Variants in SYN3 observed in about 807,000 individuals in gnomAD.
The protein encoded by SYN3 is synapsin-3.
In SYN3, 35 loss-of-function variants were observed where a neutral mutation model predicts 65.8. That is an observed-to-expected ratio of 0.53 (90% CI 0.41 to 0.70). The LOEUF (loss-of-function observed/expected upper bound fraction) is 0.70. Among genes scored for constraint, SYN3 ranks in the 30% least tolerant of loss-of-function variants. The pLI is 0.00. For missense variants in SYN3, 680 were observed against 749.0 expected (o/e 0.91, Z 1.08); for synonymous variants, 270 against 292.9 (o/e 0.92, Z 0.80).
intron 2 of SYN3, among the ~76,000 whole-genome samples, chr22:33,003,859 G>A (rs1027046288): frequency 2.0e-5 from 3 of 152,196 alleles, no homozygotes; most frequent in African/African-American, 7.2e-5. Context: ...AGGCCTAGGA[G>A]GGAAGAATGG....
chr22:32,524,090 G>A (rs1217318196), intron 12 of SYN3, among the ~76,000 whole-genome samples: 2 of 152,228 alleles, frequency 1.3e-5, no homozygotes, highest in Non-Finnish European at 2.9e-5. Context: ...GAGGTTGGTG[G>A]GTGAAGTCTC....
chr22:33,019,766 C>T (rs1189089714), intron 1 of SYN3, among the ~76,000 whole-genome samples: 9 of 152,142 alleles, frequency 5.9e-5, no homozygotes, highest in Admixed American at 1.3e-4. Context: ...ACTACAGGCA[C>T]GTGCCACCAC....
chr22:33,054,189 T>A (rs1234661335), intron 1 of SYN3, among the ~76,000 whole-genome samples: 1 of 152,194 alleles, frequency 6.6e-6, no homozygotes, highest in Non-Finnish European at 1.5e-5. Context: ...GGCTGACATC[T>A]AAGTGCTGAC....
intron 6 of SYN3, among the ~76,000 whole-genome samples, chr22:32,665,170 G>A (rs2060273794): frequency 6.6e-6 from 1 of 151,584 alleles, no homozygotes; most frequent in African/African-American, 2.4e-5. Context: ...GCTAATTTTT[G>A]TATTTTTAAT....
intron 6 of SYN3, among the ~76,000 whole-genome samples, chr22:32,653,676 G>A (rs1398316598): frequency 2.0e-5 from 3 of 152,124 alleles, no homozygotes; most frequent in African/African-American, 7.2e-5. Flanking sequence ...GGTAGGAAGT[G>A]GCTCTGGGGA....
In SYN3 at chr22:32,711,589, CCTT is replaced by C. The variant is rs559326702; in HGVS notation, c.712-114856_712-114854del. ...GTCCATCCCAAGGCTCTCTTGCTGT[CCTT>C]CTCCAGATTCCTGTGCACCTGTACT... On this transcript the variant is annotated intron_variant, in intron 6 of 13. Coordinates refer to ENST00000358763, the MANE Select transcript of SYN3 (RefSeq NM_003490.4). 1.7e-3 allele frequency among the ~76,000 whole-genome samples: 257 copies of C among 152,246 alleles called. 1 individual carries two copies. The highest frequency in any genetic ancestry group is 6.0e-3 in the African/African-American group (248 of 41,552).
intron 6 of SYN3, among the ~76,000 whole-genome samples, chr22:32,709,754 T>C (rs2060930453): frequency 6.6e-6 from 1 of 152,096 alleles, no homozygotes. Context: ...TTTACATAAA[T>C]GGGATTGTTC....
At chr22:32,943,567 A>T (rs1199156549) in intron 3 of SYN3, among the ~76,000 whole-genome samples, 1 of 152,240 alleles carries the variant, frequency 6.6e-6, no homozygotes, top group Non-Finnish European at 1.5e-5. Context: ...AGCTAACATC[A>T]TAATGACAGG....
chr22:32,829,423 G>A lies in SYN3; in HGVS notation c.711+35492C>T, dbSNP rs1445137237. ...CACTTCATTATGGCAAAGACAGAGG[G>A]GGTGGGGTCCCCGGGCCTTCGGCAT... On this transcript the variant is annotated intron_variant, in intron 6 of 13. Coordinates refer to ENST00000358763, the MANE Select transcript of SYN3 (RefSeq NM_003490.4). Among the ~76,000 whole-genome samples the A allele has an allele frequency of 2.6e-5, 4 of 152,328 alleles. No individual in the cohort carries two copies. In the South Asian group the frequency reaches 6.2e-4, roughly 24 times the overall value.
intron 6 of SYN3, among the ~76,000 whole-genome samples, chr22:32,767,385 T>TCACA (rs10527431): frequency 4.6e-5 from 7 of 151,354 alleles, no homozygotes; most frequent in Middle Eastern, 3.4e-3. Flanking sequence ...GCTGGTGACT[T>TCACA]CACACACACA....
intron 6 of SYN3, among the ~76,000 whole-genome samples, chr22:32,776,529 A>T (rs1471916792): frequency 1.3e-5 from 2 of 152,182 alleles, no homozygotes; most frequent in African/African-American, 4.8e-5. Context: ...AGCTTGCCTA[A>T]GGTCACACAG....
intron 3 of SYN3, among the ~76,000 whole-genome samples, chr22:32,935,357 A>G (rs1225355008): frequency 1.3e-5 from 2 of 151,984 alleles, no homozygotes; most frequent in African/African-American, 2.4e-5. Context: ...CTATATCGCA[A>G]AAAACGCTAC....
At chr22:32,984,161 C>CAAAAAAAAAAAAAAAAAAAAAAA (rs35678412) in intron 2 of SYN3, among the ~76,000 whole-genome samples, 3 of 93,004 alleles carry the variant, frequency 3.2e-5, no homozygotes, top group African/African-American at 4.2e-5. Context: ...AAACTCCATC[C>CAAAAAAAAAAAAAAAAAAAAAAA]AAAAAAAAAA....
chr22:32,592,148 C>A (rs1027090463), intron 7 of SYN3, among the ~76,000 whole-genome samples: 12 of 152,294 alleles, frequency 7.9e-5, no homozygotes, highest in African/African-American at 2.9e-4. Context: ...CAAGTGGGAT[C>A]GACTGTATTG....
chr22:32,929,306 G>A (rs2050564138), intron 4 of SYN3, among the ~76,000 whole-genome samples: 1 of 151,812 alleles, frequency 6.6e-6, no homozygotes, highest in Non-Finnish European at 1.5e-5. Flanking sequence ...ACAAAAACCT[G>A]GTTATATAAC....
chr22:32,689,137 T>C (rs1170596901), intron 6 of SYN3, among the ~76,000 whole-genome samples: 5 of 152,204 alleles, frequency 3.3e-5, no homozygotes, highest in African/African-American at 1.2e-4. Flanking sequence ...CATTGAAGAC[T>C]ACAGTGATGG....
intron 6 of SYN3, among the ~76,000 whole-genome samples, chr22:32,833,610 G>A (rs6518799): frequency 0.11 from 16,126 of 152,188 alleles, 1,024 homozygotes; most frequent in African/African-American, 0.18. Context: ...CCACTGTGCC[G>A]TAGTTTAACA....
intron 6 of SYN3, among the ~76,000 whole-genome samples, chr22:32,645,930 C>G (rs1601831797): frequency 6.6e-6 from 1 of 151,990 alleles, no homozygotes; most frequent in East Asian, 1.9e-4. Context: ...GAGCTGTACC[C>G]CACTTCTGGC....
intron 6 of SYN3, among the ~76,000 whole-genome samples, chr22:32,712,270 G>C (rs533442915): frequency 6.6e-6 from 1 of 152,256 alleles, no homozygotes; most frequent in South Asian, 2.1e-4. Flanking sequence ...AACTAATGTG[G>C]CTTCTGCTTC....
Sources: gnomAD v4.1 joint callset for allele counts (sites outside exome capture counted in the v4.1 genomes callset) on GRCh38, gnomAD v4.1.1 for gene constraint, MANE v1.5 for transcripts, NCBI Gene and HGNC (gene_info 2026-07-23, HGNC 2026-07-21) for gene names.